The following CNTN5 variants were observed in gnomAD, a reference collection of about 807,000 sequenced individuals.
CNTN5 encodes the protein contactin-5.
CNTN5 carries 77 observed loss-of-function variants against 129.1 expected under a neutral mutation model. The ratio of observed to expected loss-of-function variants is 0.60; its 90% CI spans 0.50 to 0.72. The LOEUF is 0.72. Among genes scored for constraint, CNTN5 ranks in the 30% least tolerant of loss-of-function variants. The pLI is 0.00. For synonymous variants in CNTN5, 509 were observed against 465.6 expected, an observed-to-expected ratio of 1.09 and a Z score of -1.20; for missense variants, 1,478 against 1,328.8, an observed-to-expected ratio of 1.11 and a Z score of -1.75.
intron 2 of CNTN5, among the ~76,000 whole-genome samples, chr11:99,431,504 T>C (rs1314426825): frequency 6.6e-6 from 1 of 152,118 alleles, no homozygotes; most frequent in Non-Finnish European, 1.5e-5. Flanking sequence ...TCAATGAAAT[T>C]TGGGGAGATC....
intron 2 of CNTN5, among the ~76,000 whole-genome samples, chr11:99,487,706 T>C (rs1166306972): frequency 6.6e-6 from 1 of 152,200 alleles, no homozygotes; most frequent in Non-Finnish European, 1.5e-5. Flanking sequence ...ACATGAAATA[T>C]CAAGAATGTC....
chr11:99,465,651 G>A (rs986286034), intron 2 of CNTN5, among the ~76,000 whole-genome samples: 1 of 151,074 alleles, frequency 6.6e-6, no homozygotes, highest in Non-Finnish European at 1.5e-5. Flanking sequence ...TTTTAGATAA[G>A]CTGTATTGGT....
At chr11:99,685,115 T>C (rs1953732905) in intron 3 of CNTN5, among the ~76,000 whole-genome samples, 1 of 151,644 alleles carries the variant, frequency 6.6e-6, no homozygotes, top group African/African-American at 2.4e-5. Context: ...TTTGTCATAA[T>C]TTCAATTTTT....
intron 3 of CNTN5, among the ~76,000 whole-genome samples, chr11:99,721,820 C>G (rs1943183635): frequency 6.6e-6 from 1 of 152,072 alleles, no homozygotes; most frequent in Non-Finnish European, 1.5e-5. Context: ...AAAAAGTGGG[C>G]AAACAACATG....
intron 3 of CNTN5, among the ~76,000 whole-genome samples, chr11:99,614,072 T>C (rs976400459): frequency 2.0e-5 from 3 of 152,212 alleles, no homozygotes; most frequent in South Asian, 2.1e-4. Context: ...GTTTGAAATA[T>C]TCATTTTCTG....
At chr11:99,307,164 G>T (rs1054097679) in intron 1 of CNTN5, among the ~76,000 whole-genome samples, 14 of 152,094 alleles carry the variant, frequency 9.2e-5, no homozygotes, top group Admixed American at 2.6e-4. Context: ...GCCTCATATG[G>T]CATACAAGAA....
At chr11:100,003,360 A>C (rs1939995717) in intron 9 of CNTN5, among the ~76,000 whole-genome samples, 1 of 152,284 alleles carries the variant, frequency 6.6e-6, no homozygotes, top group East Asian at 1.9e-4. Flanking sequence ...AATAATAGTT[A>C]AAAGTCTGGT....
At chr11:100,267,983 A>G (rs1950338656) in intron 17 of CNTN5, among the ~76,000 whole-genome samples, 2 of 152,204 alleles carry the variant, frequency 1.3e-5, no homozygotes, top group African/African-American at 4.8e-5. Flanking sequence ...ATTTGAAACT[A>G]TTTGGGTGGT....
At chr11:99,732,726 T>C (rs1334623586) in intron 3 of CNTN5, among the ~76,000 whole-genome samples, 1 of 152,052 alleles carries the variant, frequency 6.6e-6, no homozygotes. Flanking sequence ...TTATGTAAAG[T>C]GGGAATCACT....
intron 1 of CNTN5, among the ~76,000 whole-genome samples, chr11:99,086,511 C>T (rs61891141): frequency 0.063 from 9,519 of 152,118 alleles, 813 homozygotes; most frequent in East Asian, 0.34. Context: ...GGGGACAGGT[C>T]CCAGACTTGT....
At chr11:99,246,743 C>T (rs887156427) in intron 1 of CNTN5, among the ~76,000 whole-genome samples, 1 of 152,026 alleles carries the variant, frequency 6.6e-6, no homozygotes. Flanking sequence ...CTGACTGATT[C>T]GTCTCTGACC....
At chr11:100,212,963 G>C (rs572040510) in intron 15 of CNTN5, among the ~76,000 whole-genome samples, 8 of 151,978 alleles carry the variant, frequency 5.3e-5, no homozygotes, top group Admixed American at 2.6e-4. Context: ...CTCAATGCAG[G>C]AGGAACTTCA....
At chr11:100,149,083 G>A (rs942471630) in intron 13 of CNTN5, among the ~76,000 whole-genome samples, 7 of 152,138 alleles carry the variant, frequency 4.6e-5, no homozygotes, top group Admixed American at 1.3e-4. Context: ...TAGATTTTAG[G>A]AAGATTATGT....
intron 9 of CNTN5, among the ~76,000 whole-genome samples, chr11:100,030,745 A>T (rs980269944): frequency 1.4e-4 from 21 of 152,236 alleles, no homozygotes; most frequent in Non-Finnish European, 2.6e-4. Context: ...ACTTACTTAT[A>T]AAACACAAAA....
chr11:100,309,584 T>C, intron 21 of CNTN5: 3 of 983,400 alleles, frequency 3.1e-6, no homozygotes, highest in Non-Finnish European at 3.6e-6. Flanking sequence ...GTGATGAATA[T>C]TTCTGTTTCT....
chr11:100,341,026 C>T, intron 22 of CNTN5, 67 bp from the exon 23 acceptor site: 4 of 1,183,772 alleles, frequency 3.4e-6, no homozygotes, highest in South Asian at 2.5e-5. Context: ...GAGATACTCA[C>T]AAAGAATTAA....
At chr11:99,744,489 C>T (rs1361286696) in intron 3 of CNTN5, among the ~76,000 whole-genome samples, 1 of 139,672 alleles carries the variant, frequency 7.2e-6, no homozygotes, top group Non-Finnish European at 1.5e-5. Context: ...CACTTGAGCC[C>T]AGGAGTTAGC....
chr11:99,594,934 C>A (rs191107742), intron 3 of CNTN5, among the ~76,000 whole-genome samples: 2 of 152,280 alleles, frequency 1.3e-5, no homozygotes, highest in Admixed American at 1.3e-4. Context: ...TCATTAAAGA[C>A]AACATTAAGT....
chr11:99,866,967 T>G (rs1948372567), intron 6 of CNTN5, among the ~76,000 whole-genome samples: 1 of 152,178 alleles, frequency 6.6e-6, no homozygotes, highest in African/African-American at 2.4e-5. Flanking sequence ...AGTTGGAGGT[T>G]TTTACAATTT....
Sources: allele counts gnomAD v4.1 joint callset (sites outside exome capture counted in the v4.1 genomes callset), GRCh38; gene constraint gnomAD v4.1.1; transcripts MANE v1.5; gene names NCBI Gene and HGNC (gene_info 2026-07-23, HGNC 2026-07-21).